Variants in ATP8B1 observed in about 807,000 individuals in gnomAD.
ATP8B1 encodes the protein phospholipid-transporting ATPase IC.
A neutral mutation model predicts 149.9 loss-of-function variants in ATP8B1; 80 were observed. The ratio of observed to expected loss-of-function variants is 0.53; its 90% CI spans 0.45 to 0.64. The LOEUF is 0.64. Among genes scored for constraint, ATP8B1 ranks in the 30% least tolerant of loss-of-function variants. The probability of loss-of-function intolerance (pLI) is 0.00; values close to 1 mark genes in which losing one functional copy is unlikely to be tolerated. For missense variants in ATP8B1, 1,247 were observed against 1,552.6 expected (o/e 0.80, Z 3.31); for synonymous variants, 536 against 562.8 (o/e 0.95, Z 0.67).
At chr18:57,690,439 C>A (rs912609050) in intron 12 of ATP8B1, among the ~76,000 whole-genome samples, 6 of 152,320 alleles carry the variant, frequency 3.9e-5, no homozygotes, top group Admixed American at 3.3e-4. Context: ...TTTCAAAGGA[C>A]CTTTATCTCC....
rs147283656 is a variant in ATP8B1 at position 57,769,687 on chromosome 18, T to C, written c.-26+33311A>G. The stretch of plus-strand genomic sequence containing the variant: ...CCAAAGATGACTCCAGAGTAGATAA[T>C]TGAAATGGATGTGGGGAAAGTAAGC... On this transcript the variant is annotated intron_variant, in intron 1 of 27. Transcript: ENST00000648908. Among the ~76,000 whole-genome samples the C allele has an allele frequency of 1.6e-4, 25 of 152,316 alleles. No individual in the cohort carries two copies. In the East Asian group the frequency reaches 4.0e-3, roughly 25 times the overall value.
At chr18:57,796,404 G>A (rs758367320) in intron 1 of ATP8B1, among the ~76,000 whole-genome samples, 66 of 152,188 alleles carry the variant, frequency 4.3e-4, no homozygotes, top group Middle Eastern at 3.4e-3. Flanking sequence ...CCAACTACTC[G>A]GGAGACTAAG....
Position 57,661,159 on chromosome 18 carries a change from G to A in ATP8B1, c.2707+15C>T, listed in dbSNP as rs1211610784. The A allele has an allele frequency of 1.2e-5, 20 of 1,612,546 alleles. No individual in the cohort carries two copies. In the South Asian group the frequency reaches 2.0e-4, roughly 16 times the overall value. On this transcript the variant is annotated intron_variant, in intron 22 of 27. Coordinates refer to ENST00000648908, the MANE Select transcript of ATP8B1 (RefSeq NM_001374385.1). Reference sequence around the variant, plus strand: ...TAGCACGTTGGGCCTCACTGGCCGTGGGTGCATGACTCACTTTTGATCATG... The same window carrying A: ...TAGCACGTTGGGCCTCACTGGCCGTAGGTGCATGACTCACTTTTGATCATG...
chr18:57,763,397 GAA>G (rs71171089), intron 1 of ATP8B1, among the ~76,000 whole-genome samples: 22 of 146,080 alleles, frequency 1.5e-4, no homozygotes, highest in East Asian at 1.0e-3. Context: ...CATCTCAAAA[GAA>G]AAAAAAAAAA....
intron 1 of ATP8B1, among the ~76,000 whole-genome samples, chr18:57,782,969 T>G (rs890271023): frequency 6.6e-6 from 1 of 151,996 alleles, no homozygotes; most frequent in Non-Finnish European, 1.5e-5. Context: ...CCCACCACCA[T>G]GCCCAGCTAA....
intron 8 of ATP8B1, among the ~76,000 whole-genome samples, chr18:57,696,618 G>GT (rs974009048): frequency 4.0e-5 from 6 of 151,072 alleles, no homozygotes; most frequent in African/African-American, 1.2e-4. Flanking sequence ...GACAGCCCTA[G>GT]TTTTCAGTCT....
chr18:57,787,659 G>A (rs2080423198), intron 1 of ATP8B1, among the ~76,000 whole-genome samples: 1 of 152,122 alleles, frequency 6.6e-6, no homozygotes, highest in Non-Finnish European at 1.5e-5. Flanking sequence ...AGAGCCCATT[G>A]GTTACTGATA....
At chr18:57,737,565 CTTTT>C (rs2079870277) in intron 1 of ATP8B1, among the ~76,000 whole-genome samples, 1 of 28,328 alleles carries the variant, frequency 3.5e-5, no homozygotes, top group African/African-American at 8.0e-5. Context: ...TTTTTTCTTT[CTTTT>C]CTTTCTTTCT....
At chr18:57,705,598 G>C (rs1913350234) in intron 3 of ATP8B1, among the ~76,000 whole-genome samples, 2 of 152,120 alleles carry the variant, frequency 1.3e-5, no homozygotes, top group South Asian at 4.2e-4. Context: ...AGCAGAGATT[G>C]GGGTGACTTC....
chr18:57,668,370 A>G, intron 19 of ATP8B1, 59 bp downstream of exon 19: 4 of 1,469,436 alleles, frequency 2.7e-6, no homozygotes, highest in Non-Finnish European at 3.8e-6. Context: ...TGGGCAAAGG[A>G]AACGGCAGCT....
chr18:57,693,357 G>C (rs546344294), intron 11 of ATP8B1, among the ~76,000 whole-genome samples: 2 of 152,284 alleles, frequency 1.3e-5, no homozygotes, highest in South Asian at 4.1e-4. Context: ...CCCTGGGCTG[G>C]TATCTGGTAA....
intron 15 of ATP8B1, 23 bp from the exon 16 acceptor site, chr18:57,675,045 C>T (rs765045171): frequency 6.2e-6 from 10 of 1,611,926 alleles, no homozygotes; most frequent in Non-Finnish European, 8.5e-6. Flanking sequence ...CGAGAGAAAT[C>T]CCAGAAAAGC....
At chr18:57,793,663 C>G (rs908663367) in intron 1 of ATP8B1, among the ~76,000 whole-genome samples, 5 of 151,982 alleles carry the variant, frequency 3.3e-5, no homozygotes, top group African/African-American at 1.2e-4. Context: ...CACTCTTACC[C>G]TAGGGCTTCT....
At chr18:57,798,370 G>T in intron 1 of ATP8B1, among the ~76,000 whole-genome samples, 1 of 150,754 alleles carries the variant, frequency 6.6e-6, no homozygotes, top group Admixed American at 6.6e-5. Flanking sequence ...GAGCCTAAGC[G>T]TTCAGGAGAA....
intron 20 of ATP8B1, among the ~76,000 whole-genome samples, chr18:57,665,194 T>G (rs1910775270): frequency 6.6e-6 from 1 of 150,418 alleles, no homozygotes; most frequent in Non-Finnish European, 1.5e-5. Context: ...CATTTTCAAG[T>G]TAAAAGTGAG....
In ATP8B1 at chr18:57,667,158, T is replaced by C; in HGVS notation, c.2219A>G (p.Glu740Gly). ...VLTGDKKETA[E>G]NIGFACELLT... ...AAGTTCACAAGCAAATCCTATATTTTCAGCAGTTTCTACAATAGAATAAAA... is the reference window on the plus strand; with the variant it reads ...AAGTTCACAAGCAAATCCTATATTTCCAGCAGTTTCTACAATAGAATAAAA... Residue 740 changes from glutamate (E) to glycine (G), a missense_variant, in exon 20 of 28, where the codon GAA becomes GGA. Coordinates refer to ENST00000648908, the MANE Select transcript of ATP8B1 (RefSeq NM_001374385.1). 6.2e-7 allele frequency: 1 copy of C among 1,609,632 alleles called. No homozygotes were observed. Among genetic ancestry groups the C allele is most frequent in the Non-Finnish European group, 8.5e-7 (1 of 1,175,896 alleles).
chr18:57,724,419 C>T (rs2079682980), intron 2 of ATP8B1, among the ~76,000 whole-genome samples: 1 of 146,078 alleles, frequency 6.8e-6, no homozygotes. Flanking sequence ...AAACAAACAA[C>T]CCCATCAAAA....
chr18:57,658,699 T>C (rs775921247), intron 22 of ATP8B1, among the ~76,000 whole-genome samples: 1 of 151,820 alleles, frequency 6.6e-6, no homozygotes, highest in Admixed American at 6.6e-5. Context: ...AGGGTCTTGC[T>C]CTGTCACCCA....
intron 3 of ATP8B1, among the ~76,000 whole-genome samples, 155 bp downstream of exon 3, chr18:57,706,335 A>T (rs1041831018): frequency 6.6e-6 from 1 of 152,216 alleles, no homozygotes; most frequent in African/African-American, 2.4e-5. Context: ...GGTAAACATC[A>T]ATAAAAATGA....
Sources: gnomAD v4.1 joint callset for allele counts (sites outside exome capture counted in the v4.1 genomes callset) on GRCh38, gnomAD v4.1.1 for gene constraint, MANE v1.5 for transcripts, NCBI Gene and HGNC (gene_info 2026-07-23, HGNC 2026-07-21) for gene names.